PAN3: variants seen among roughly 807,000 people sequenced by gnomAD.
PAN3 encodes the protein poly(A) specific ribonuclease subunit PAN3, also known as PAN2-PAN3 deadenylation complex subunit PAN3.
A neutral mutation model predicts 96.2 loss-of-function variants in PAN3; 19 were observed. The ratio of observed to expected loss-of-function variants is 0.20; its 90% CI spans 0.14 to 0.29. The LOEUF is 0.29. Among genes scored for constraint, PAN3 ranks in the 10% least tolerant of loss-of-function variants. The pLI, the probability that PAN3 is intolerant of heterozygous loss-of-function variation, is 1.00. For synonymous variants in PAN3, 433 were observed against 406.6 expected, an observed-to-expected ratio of 1.06 and a Z score of -0.78; for missense variants, 882 against 1,108.1, an observed-to-expected ratio of 0.80 and a Z score of 2.90.
intron 17 of PAN3, among the ~76,000 whole-genome samples, chr13:28,281,661 T>G (rs775206227): frequency 4.6e-5 from 7 of 152,152 alleles, no homozygotes; most frequent in Non-Finnish European, 8.8e-5. Context: ...ACCTCTACCC[T>G]ATCTTCTTTT....
chr13:28,176,847 T>TA (rs576041465), intron 3 of PAN3, among the ~76,000 whole-genome samples: 4,261 of 144,336 alleles, frequency 0.03, 94 homozygotes, highest in African/African-American at 0.071. Flanking sequence ...TCTCTATTAT[T>TA]AAAAAAAAAA....
At chr13:28,140,697 C>T (rs977771493) in intron 1 of PAN3, among the ~76,000 whole-genome samples, 1 of 139,704 alleles carries the variant, frequency 7.2e-6, no homozygotes, top group African/African-American at 3.1e-5. Context: ...TTGTTCTGTT[C>T]TGTTCTTTTC....
intron 1 of PAN3, among the ~76,000 whole-genome samples, chr13:28,157,687 A>G (rs748839044): frequency 8.5e-5 from 13 of 152,216 alleles, no homozygotes; most frequent in Admixed American, 2.0e-4. Context: ...ATTAGGAAAC[A>G]CTGCTAAAAT....
chr13:28,278,638 T>TA (rs1887235227), intron 15 of PAN3, among the ~76,000 whole-genome samples: 1 of 152,160 alleles, frequency 6.6e-6, no homozygotes, highest in Non-Finnish European at 1.5e-5. Flanking sequence ...TATGGAGTAA[T>TA]TAAACCATGT....
intron 1 of PAN3, among the ~76,000 whole-genome samples, chr13:28,168,234 G>A (rs1873839541): frequency 6.6e-6 from 1 of 152,144 alleles, no homozygotes; most frequent in Non-Finnish European, 1.5e-5. Flanking sequence ...TTGGATTTGG[G>A]AATTATTTGC....
At chr13:28,236,978 T>G (rs1238986976) in intron 6 of PAN3, among the ~76,000 whole-genome samples, 1 of 152,234 alleles carries the variant, frequency 6.6e-6, no homozygotes, top group African/African-American at 2.4e-5. Flanking sequence ...CATGACTATT[T>G]AGAATATTGA....
At chr13:28,165,787 G>A (rs1873465067) in intron 1 of PAN3, among the ~76,000 whole-genome samples, 1 of 152,042 alleles carries the variant, frequency 6.6e-6, no homozygotes. Context: ...GTCTGATGAG[G>A]GCTGCTGTCT....
chr13:28,173,699 A>T (rs1874591925), intron 1 of PAN3, among the ~76,000 whole-genome samples: 1 of 152,220 alleles, frequency 6.6e-6, no homozygotes, highest in South Asian at 2.1e-4. Context: ...AGGAAGTAGC[A>T]TCTAAGACAC....
intron 4 of PAN3, among the ~76,000 whole-genome samples, chr13:28,178,606 T>A (rs1875361048): frequency 1.3e-5 from 2 of 152,124 alleles, no homozygotes; most frequent in Admixed American, 6.5e-5. Context: ...GTTAAAGAGG[T>A]TCTAAATCTT....
At chr13:28,207,927 G>A (rs938474548) in intron 5 of PAN3, among the ~76,000 whole-genome samples, 1 of 152,076 alleles carries the variant, frequency 6.6e-6, no homozygotes. Flanking sequence ...TCCTCACAGC[G>A]CCTAGTACAC....
chr13:28,272,278 T>C, intron 14 of PAN3: 1 of 377,330 alleles, frequency 2.7e-6, no homozygotes. Context: ...TCTCTTTTCC[T>C]TTCTATTCTT....
chr13:28,145,757 ATTTTTTT>A (rs895808998), intron 1 of PAN3, among the ~76,000 whole-genome samples: 47 of 124,466 alleles, frequency 3.8e-4, no homozygotes, highest in Non-Finnish European at 6.1e-4. Flanking sequence ...TGCCAAGCTA[ATTTTTTT>A]TTTTTTTTTT....
chr13:28,223,868 G>A (rs1379264845), intron 6 of PAN3, among the ~76,000 whole-genome samples: 3 of 132,690 alleles, frequency 2.3e-5, no homozygotes, highest in East Asian at 2.4e-4. Flanking sequence ...GCCATGAAAA[G>A]TGATTTTTTT....
At chr13:28,246,768 T>A (rs1308975119) in intron 6 of PAN3, among the ~76,000 whole-genome samples, 1 of 152,220 alleles carries the variant, frequency 6.6e-6, no homozygotes, top group Non-Finnish European at 1.5e-5. Flanking sequence ...TCATTTTTTT[T>A]ATGACTGAAG....
At chr13:28,142,240 C>CT (rs1869950956) in intron 1 of PAN3, among the ~76,000 whole-genome samples, 1 of 152,114 alleles carries the variant, frequency 6.6e-6, no homozygotes, top group Non-Finnish European at 1.5e-5. Context: ...AATTGTATGG[C>CT]TTTTTTGAGT....
At chr13:28,272,932 C>A (rs1244429447) in intron 14 of PAN3, among the ~76,000 whole-genome samples, 1 of 152,160 alleles carries the variant, frequency 6.6e-6, no homozygotes, top group African/African-American at 2.4e-5. Flanking sequence ...ATTTAGGAAA[C>A]GTGTCCTAAG....
At chr13:28,194,466 A>AT (rs1284832933) in intron 4 of PAN3, among the ~76,000 whole-genome samples, 4,260 of 122,196 alleles carry the variant, frequency 0.035, 148 homozygotes, top group Non-Finnish European at 0.049. Flanking sequence ...ATATATATAT[A>AT]TTTTTTTTTT....
chr13:28,273,422 T>G (rs915213412), intron 14 of PAN3, among the ~76,000 whole-genome samples: 1 of 151,762 alleles, frequency 6.6e-6, no homozygotes, highest in Admixed American at 6.6e-5. Flanking sequence ...GCCAACATGG[T>G]GAAACCCCAC....
chr13:28,151,236 C>T (rs1034233531), intron 1 of PAN3, among the ~76,000 whole-genome samples: 1 of 152,084 alleles, frequency 6.6e-6, no homozygotes, highest in African/African-American at 2.4e-5. Context: ...GTTCTGTGGG[C>T]CAGGTGTTGT....
Sources: allele counts gnomAD v4.1 joint callset (sites outside exome capture counted in the v4.1 genomes callset), GRCh38; gene constraint gnomAD v4.1.1; transcripts MANE v1.5; gene names NCBI Gene and HGNC (gene_info 2026-07-23, HGNC 2026-07-21).